Variants in CACNA2D2 observed in about 807,000 individuals in gnomAD.
CACNA2D2 encodes the protein calcium voltage-gated channel auxiliary subunit alpha2delta 2.
CACNA2D2 carries 48 observed loss-of-function variants against 166.4 expected under a neutral mutation model. The observed-to-expected ratio is 0.29, with a 90% CI of 0.23 to 0.37. CACNA2D2 has a LOEUF of 0.37. Among genes scored for constraint, CACNA2D2 ranks in the 10% least tolerant of loss-of-function variants. CACNA2D2 has a pLI of 1.00. For synonymous variants in CACNA2D2, 561 were observed against 573.7 expected, an observed-to-expected ratio of 0.98 and a Z score of 0.32; for missense variants, 1,122 against 1,433.0, an observed-to-expected ratio of 0.78 and a Z score of 3.50.
chr3:50,461,262 T>C (rs1053491536), intron 2 of CACNA2D2, among the ~76,000 whole-genome samples: 4 of 152,202 alleles, frequency 2.6e-5, no homozygotes, highest in African/African-American at 7.2e-5. Flanking sequence ...GACCTCTCCA[T>C]AGCAACTCAA....
intron 1 of CACNA2D2, among the ~76,000 whole-genome samples, chr3:50,498,438 TC>T (rs1267877422): frequency 6.6e-6 from 1 of 152,064 alleles, no homozygotes; most frequent in Non-Finnish European, 1.5e-5. Context: ...GACCTTTCTC[TC>T]CGGAATCAGA....
chr3:50,479,777 T>C (rs973919938), intron 1 of CACNA2D2, among the ~76,000 whole-genome samples: 1 of 152,192 alleles, frequency 6.6e-6, no homozygotes, highest in African/African-American at 2.4e-5. Context: ...TTCCCTCTGC[T>C]TGGAATCAAG....
chr3:50,372,985 G>A, intron 22 of CACNA2D2: 4 of 1,189,238 alleles, frequency 3.4e-6, no homozygotes, highest in Non-Finnish European at 4.8e-6. Flanking sequence ...GGCTGGTCCT[G>A]GGCAGGGAGG....
chr3:50,409,036 T>C (rs560636189), intron 3 of CACNA2D2, among the ~76,000 whole-genome samples: 2 of 152,320 alleles, frequency 1.3e-5, no homozygotes, highest in Admixed American at 6.5e-5. Context: ...CCTCAGCCCA[T>C]TGGGCTGGAC....
chr3:50,406,334 C>T (rs1460160611), intron 3 of CACNA2D2, among the ~76,000 whole-genome samples: 1 of 151,740 alleles, frequency 6.6e-6, no homozygotes, highest in South Asian at 2.1e-4. Context: ...AGAAAAAAAG[C>T]ACCAAGCAAG....
chr3:50,378,785 G>T, intron 13 of CACNA2D2, 130 bp downstream of exon 13: 1 of 1,077,116 alleles, frequency 9.3e-7, no homozygotes. Context: ...CAGCCTCGTG[G>T]ATGGGAGGAG....
At chr3:50,474,572 G>A (rs760000887) in intron 2 of CACNA2D2, among the ~76,000 whole-genome samples, 10 of 152,182 alleles carry the variant, frequency 6.6e-5, no homozygotes, top group East Asian at 1.9e-4. Flanking sequence ...TGAGTTGCCC[G>A]TGAATATAAA....
chr3:50,390,841 T>C (rs1180543786), intron 4 of CACNA2D2, among the ~76,000 whole-genome samples: 1 of 152,276 alleles, frequency 6.6e-6, no homozygotes, highest in African/African-American at 2.4e-5. Flanking sequence ...GGAAGGACAG[T>C]TGCCATCCAA....
intron 3 of CACNA2D2, among the ~76,000 whole-genome samples, chr3:50,396,434 A>G (rs970822830): frequency 6.6e-6 from 1 of 152,044 alleles, no homozygotes; most frequent in Non-Finnish European, 1.5e-5. Context: ...CTGCATGTAA[A>G]AGGCACAACC....
At chr3:50,472,241 C>T (rs1710129349) in intron 2 of CACNA2D2, among the ~76,000 whole-genome samples, 1 of 152,228 alleles carries the variant, frequency 6.6e-6, no homozygotes. Context: ...GAATAACTAG[C>T]AGCATGTAGC....
At chr3:50,476,262 C>T in intron 1 of CACNA2D2, 63 bp from the exon 2 acceptor site, 1 of 1,374,916 alleles carries the variant, frequency 7.3e-7, no homozygotes, top group African/African-American at 1.4e-5. Context: ...AGCCCCACCC[C>T]AGCCAACCCG....
At chr3:50,447,035 C>T (rs1368036902) in intron 2 of CACNA2D2, among the ~76,000 whole-genome samples, 1 of 152,202 alleles carries the variant, frequency 6.6e-6, no homozygotes, top group Non-Finnish European at 1.5e-5. Flanking sequence ...TCAGAGAAGA[C>T]ATTCCAGGGA....
In CACNA2D2 at chr3:50,366,196, G is replaced by C. The variant is rs927411955; in HGVS notation, c.2710-33C>G. ...TGTCAGGAGAAAGCCATGGTCACAG[G>C]GCTGGCAGTGCTACACCCCTAGAAG... is the stretch of plus-strand genomic sequence containing the variant. On this transcript the variant is annotated intron_variant, in intron 31 of 37. Transcript: ENST00000424201. This position sits in a 1 kb window ranked among gnomAD's most constrained non-coding sequence, Gnocchi z 5.9. The C allele has an allele frequency of 2.5e-6, 4 of 1,613,834 alleles. No homozygotes were observed. The highest frequency in any genetic ancestry group is 1.7e-5 in the Admixed American group (1 of 59,988).
At chr3:50,390,277 T>C (rs1000876261) in intron 4 of CACNA2D2, among the ~76,000 whole-genome samples, 1 of 152,136 alleles carries the variant, frequency 6.6e-6, no homozygotes, top group Non-Finnish European at 1.5e-5. Flanking sequence ...TGCTGAGGAA[T>C]TCCAGGGGTC....
intron 1 of CACNA2D2, among the ~76,000 whole-genome samples, chr3:50,499,657 G>A (rs917615315): frequency 6.6e-6 from 1 of 152,254 alleles, no homozygotes; most frequent in Non-Finnish European, 1.5e-5. Context: ...ACAGGCAGGA[G>A]GAGAAGGGGA....
intron 6 of CACNA2D2, among the ~76,000 whole-genome samples, chr3:50,382,032 C>T (rs1360055403): frequency 6.8e-6 from 1 of 146,150 alleles, no homozygotes; most frequent in African/African-American, 2.7e-5. Flanking sequence ...AAACAAGGCT[C>T]CTCTCAGAGA....
chr3:50,462,387 AAATAATAAT>A lies in CACNA2D2; in HGVS notation c.288+13722_288+13730del, dbSNP rs55797246. On this transcript the variant is annotated intron_variant, in intron 2 of 37. Transcript: ENST00000424201. ...TGGGTGGCAGAGCAAGACTGTCTCA[AAATAATAAT>A]AATAATAATAATAATAATAATAATA... Among the ~76,000 whole-genome samples the A allele has an allele frequency of 5.7e-3, 784 of 137,598 alleles. 1 individual carries two copies. The highest frequency in any genetic ancestry group is 7.9e-3 in the South Asian group (34 of 4,288). 90.3% of individuals were successfully genotyped at this position (137,598 alleles called of 152,430 possible).
chr3:50,395,838 G>C (rs1352429108), intron 3 of CACNA2D2, among the ~76,000 whole-genome samples: 1 of 152,158 alleles, frequency 6.6e-6, no homozygotes, highest in Non-Finnish European at 1.5e-5. Context: ...CCCTCCTCAG[G>C]CCAAGAACAC....
chr3:50,482,970 G>A (rs577285037), intron 1 of CACNA2D2, among the ~76,000 whole-genome samples: 1 of 152,336 alleles, frequency 6.6e-6, no homozygotes, highest in South Asian at 2.1e-4. Context: ...GGCCACCTGG[G>A]CCACAAGATT....
Sources: gnomAD v4.1 joint callset for allele counts (sites outside exome capture counted in the v4.1 genomes callset) on GRCh38, gnomAD v4.1.1 for gene constraint, Gnocchi (gnomAD v3.1) non-coding constraint, MANE v1.5 for transcripts, NCBI Gene and HGNC (gene_info 2026-07-23, HGNC 2026-07-21) for gene names.